The following KHDRBS2 variants were observed in gnomAD, a reference collection of about 807,000 sequenced individuals.
KHDRBS2 encodes KH domain-containing, RNA-binding, signal transduction-associated protein 2.
In KHDRBS2, 26 loss-of-function variants were observed where a neutral mutation model predicts 44.3. That is an observed-to-expected ratio of 0.59 (90% CI 0.43 to 0.81). The LOEUF (loss-of-function observed/expected upper bound fraction) is 0.81. Among genes scored for constraint, KHDRBS2 ranks in the 40% least tolerant of loss-of-function variants. The pLI, the probability that KHDRBS2 is intolerant of heterozygous loss-of-function variation, is 0.00. For missense variants in KHDRBS2, 476 were observed against 433.1 expected (o/e 1.10, Z -0.88); for synonymous variants, 194 against 151.1 (o/e 1.28, Z -2.08).
At chr6:62,260,129 A>G (rs1421214990) in intron 1 of KHDRBS2, among the ~76,000 whole-genome samples, 3 of 151,972 alleles carry the variant, frequency 2.0e-5, no homozygotes, top group African/African-American at 7.2e-5. Flanking sequence ...CTCTGTCATC[A>G]ATGAGAAGGT....
intron 2 of KHDRBS2, among the ~76,000 whole-genome samples, chr6:62,124,705 A>T (rs547293944): frequency 4.6e-5 from 7 of 152,186 alleles, no homozygotes; most frequent in African/African-American, 1.7e-4. Context: ...TAAATACACA[A>T]GTGCAGGTAT....
chr6:61,774,880 C>A (rs1280002911), intron 6 of KHDRBS2, among the ~76,000 whole-genome samples: 1 of 152,078 alleles, frequency 6.6e-6, no homozygotes, highest in South Asian at 2.1e-4. Context: ...AACATCAATG[C>A]AAAAATCCTC....
Position 62,044,674 on chromosome 6 carries a change from C to T in KHDRBS2, c.336+3204G>A, listed in dbSNP as rs772963106. 5.3e-5 allele frequency among the ~76,000 whole-genome samples: 8 copies of T among 151,960 alleles called. No homozygotes were observed. The South Asian group carries it at 6.2e-4, about 12-fold the overall frequency. On this transcript the variant is annotated intron_variant, in intron 3 of 8. Coordinates refer to ENST00000281156, the MANE Select transcript of KHDRBS2 (RefSeq NM_152688.4). The stretch of plus-strand genomic sequence containing the variant: ...TCTATGAAACCACAGAGAAGAGTGC[C>T]GACCCAGGCTTTGTAAAGCACACAA...
At chr6:62,022,061 A>G (rs1317637247) in intron 3 of KHDRBS2, among the ~76,000 whole-genome samples, 2 of 150,568 alleles carry the variant, frequency 1.3e-5, no homozygotes, top group Non-Finnish European at 3.0e-5. Flanking sequence ...GTAGGGGAGA[A>G]CAAAGTTTTC....
the KHDRBS2 span, among the ~76,000 whole-genome samples, chr6:61,571,377 T>C: frequency 6.6e-6 from 1 of 152,098 alleles, no homozygotes. Context: ...GATCACAATC[T>C]AAATATATAT....
the KHDRBS2 span, among the ~76,000 whole-genome samples, chr6:61,617,751 A>T: frequency 4.6e-5 from 7 of 152,140 alleles, no homozygotes; most frequent in African/African-American, 7.2e-5. Context: ...AATAGCTTAT[A>T]GAAGCACAAA....
intron 6 of KHDRBS2, among the ~76,000 whole-genome samples, chr6:61,765,109 A>G (rs916182036): frequency 2.6e-5 from 4 of 152,106 alleles, no homozygotes; most frequent in Non-Finnish European, 5.9e-5. Context: ...TGGTGAACTC[A>G]TTGGTTTTAA....
chr6:61,806,165 A>G (rs1259213483), intron 6 of KHDRBS2, among the ~76,000 whole-genome samples: 1 of 152,170 alleles, frequency 6.6e-6, no homozygotes, highest in Non-Finnish European at 1.5e-5. Context: ...CTTTTTCTTA[A>G]ATATGATAAG....
At chr6:61,880,658 A>G (rs1259601672) in intron 6 of KHDRBS2, among the ~76,000 whole-genome samples, 1 of 151,940 alleles carries the variant, frequency 6.6e-6, no homozygotes, top group Non-Finnish European at 1.5e-5. Context: ...TTCCTGCTTA[A>G]TGAGTAAGGA....
chr6:61,919,893 C>T (rs1807730640), intron 4 of KHDRBS2, among the ~76,000 whole-genome samples: 1 of 143,688 alleles, frequency 7.0e-6, no homozygotes, highest in Admixed American at 7.2e-5. Context: ...TTCAAAGGCA[C>T]ATGGGGTAAA....
intron 2 of KHDRBS2, among the ~76,000 whole-genome samples, chr6:62,166,027 T>C (rs1185831666): frequency 6.6e-6 from 1 of 152,024 alleles, no homozygotes; most frequent in African/African-American, 2.4e-5. Flanking sequence ...AATTCACCTG[T>C]TCTAGGAACT....
chr6:61,694,117 T>C (rs1195572933), intron 8 of KHDRBS2, among the ~76,000 whole-genome samples: 1 of 151,924 alleles, frequency 6.6e-6, no homozygotes, highest in Non-Finnish European at 1.5e-5. Flanking sequence ...AAAAAATGAT[T>C]GTATTTTGCA....
At chr6:62,272,009 AGCAACTTCCAGTCCC>A (rs1457996648) in intron 1 of KHDRBS2, among the ~76,000 whole-genome samples, 1 of 152,190 alleles carries the variant, frequency 6.6e-6, no homozygotes, top group Non-Finnish European at 1.5e-5. Flanking sequence ...ACTCACCCAG[AGCAACTTCCAGTCCC>A]GCAAGCTCCA....
intron 1 of KHDRBS2, among the ~76,000 whole-genome samples, chr6:62,204,493 A>G (rs1326792070): frequency 3.3e-5 from 5 of 152,180 alleles, no homozygotes. Flanking sequence ...CTTAAAGATG[A>G]GCATCCAAAA....
intron 4 of KHDRBS2, among the ~76,000 whole-genome samples, chr6:61,925,725 CA>C (rs563177938): frequency 0.017 from 1,494 of 89,092 alleles, 15 homozygotes; most frequent in African/African-American, 0.038. Context: ...CTCTCTCTCT[CA>C]AAAAAAAAAA....
chr6:62,010,998 T>A (rs1341548773), intron 3 of KHDRBS2, among the ~76,000 whole-genome samples: 1 of 152,194 alleles, frequency 6.6e-6, no homozygotes, highest in Non-Finnish European at 1.5e-5. Flanking sequence ...AGTGTTTTGT[T>A]TTGTTTTTTA....
chr6:61,557,783 C>T, the KHDRBS2 span, among the ~76,000 whole-genome samples: 28,516 of 152,024 alleles, frequency 0.19, 3,041 homozygotes, highest in East Asian at 0.29. Flanking sequence ...CTTTCCTTTG[C>T]AGAGAGACTT....
At chr6:62,026,179 AATATTT>A (rs1430436698) in intron 3 of KHDRBS2, among the ~76,000 whole-genome samples, 4 of 151,558 alleles carry the variant, frequency 2.6e-5, no homozygotes, top group Non-Finnish European at 5.9e-5. Context: ...TACTTATATT[AATATTT>A]ATACTTCTCT....
chr6:61,857,242 G>T (rs1384389825), intron 6 of KHDRBS2, among the ~76,000 whole-genome samples: 2 of 151,850 alleles, frequency 1.3e-5, no homozygotes, highest in African/African-American at 4.8e-5. Flanking sequence ...ATAAATCCTG[G>T]ATATAATTGC....
Sources: allele counts gnomAD v4.1 joint callset (sites outside exome capture counted in the v4.1 genomes callset), GRCh38; gene constraint gnomAD v4.1.1; transcripts MANE v1.5; gene names NCBI Gene and HGNC (gene_info 2026-07-23, HGNC 2026-07-21).